Variants in FRMD5 observed in about 807,000 individuals in gnomAD.
The protein encoded by FRMD5 is FERM domain containing 5.
In FRMD5, 20 loss-of-function variants were observed where a neutral mutation model predicts 69.0. That is an observed-to-expected ratio of 0.29 (90% CI 0.20 to 0.42). The LOEUF (loss-of-function observed/expected upper bound fraction) is 0.42. Among genes scored for constraint, FRMD5 ranks in the 10% least tolerant of loss-of-function variants. The pLI is 1.00. For synonymous variants in FRMD5, 271 were observed against 260.1 expected (o/e 1.04, Z -0.40); for missense variants, 595 against 708.6 (o/e 0.84, Z 1.82).
At chr15:43,888,776 G>A in intron 9 of FRMD5, 33 bp downstream of exon 9, 1 of 1,578,220 alleles carries the variant, frequency 6.3e-7, no homozygotes, top group Non-Finnish European at 8.7e-7. Context: ...CATCACCCCA[G>A]CCCTCCTTGA....
chr15:44,069,080 T>G (rs2140406741), intron 1 of FRMD5, among the ~76,000 whole-genome samples: 1 of 152,280 alleles, frequency 6.6e-6, no homozygotes, highest in East Asian at 1.9e-4. Flanking sequence ...CATGAAAAGA[T>G]GTTCAATAAC....
chr15:44,147,593 G>A (rs2077376637), intron 1 of FRMD5, among the ~76,000 whole-genome samples: 1 of 152,076 alleles, frequency 6.6e-6, no homozygotes, highest in South Asian at 2.1e-4. Context: ...AAAGCATTTT[G>A]TCTTTGAACA....
chr15:44,045,957 C>T (rs1048223610), intron 1 of FRMD5, among the ~76,000 whole-genome samples: 2 of 152,136 alleles, frequency 1.3e-5, no homozygotes, highest in African/African-American at 4.8e-5. Flanking sequence ...TATTCTGTTT[C>T]TTCTGACCTA....
At chr15:44,150,937 C>G (rs2077434908) in intron 1 of FRMD5, among the ~76,000 whole-genome samples, 1 of 151,952 alleles carries the variant, frequency 6.6e-6, no homozygotes, top group Non-Finnish European at 1.5e-5. Flanking sequence ...ACTAATAATA[C>G]AAAAATTAGC....
intron 5 of FRMD5, 145 bp from the exon 6 acceptor site, chr15:43,906,096 T>C: frequency 9.6e-7 from 1 of 1,047,044 alleles, no homozygotes; most frequent in Non-Finnish European, 1.4e-6. Context: ...GGCTGTGGGC[T>C]GGGCAGAGGG....
intron 1 of FRMD5, among the ~76,000 whole-genome samples, chr15:44,074,886 G>A (rs1467120659): frequency 6.6e-6 from 1 of 152,116 alleles, no homozygotes; most frequent in South Asian, 2.1e-4. Context: ...CCATCACCAG[G>A]CATTTCTTAG....
intron 5 of FRMD5, 81 bp from the exon 6 acceptor site, chr15:43,906,032 G>C: frequency 1.9e-6 from 3 of 1,547,454 alleles, no homozygotes; most frequent in Non-Finnish European, 2.7e-6. Context: ...TTAGCACACA[G>C]AGCAAAAGCC....
At chr15:43,972,718 G>C (rs962362131) in intron 1 of FRMD5, among the ~76,000 whole-genome samples, 13 of 152,150 alleles carry the variant, frequency 8.5e-5, no homozygotes, top group Non-Finnish European at 1.8e-4. Context: ...GCATGACAGA[G>C]AGCTCACCAC....
At chr15:44,163,345 G>C (rs953114528) in intron 1 of FRMD5, among the ~76,000 whole-genome samples, 10 of 152,228 alleles carry the variant, frequency 6.6e-5, no homozygotes, top group Admixed American at 2.0e-4. Flanking sequence ...TTCAAGGGCA[G>C]AGAATAGGTC....
chr15:44,023,501 TGGGAAAGA>T (rs1891302388), intron 1 of FRMD5, among the ~76,000 whole-genome samples: 1 of 152,182 alleles, frequency 6.6e-6, no homozygotes, highest in South Asian at 2.1e-4. Context: ...ACTTTCTTTG[TGGGAAAGA>T]GCCTGTTTTA....
chr15:44,124,121 T>C (rs1040403215), intron 1 of FRMD5, among the ~76,000 whole-genome samples: 3 of 151,972 alleles, frequency 2.0e-5, no homozygotes, highest in Admixed American at 2.0e-4. Context: ...GCCTCCCAAG[T>C]AGCTGGGATT....
chr15:44,072,638 A>C (rs971338892), intron 1 of FRMD5, among the ~76,000 whole-genome samples: 2 of 152,242 alleles, frequency 1.3e-5, no homozygotes, highest in Non-Finnish European at 2.9e-5. Flanking sequence ...AGAACATACC[A>C]TGCTGTATTC....
At chr15:44,156,177 T>A (rs1158153361) in intron 1 of FRMD5, among the ~76,000 whole-genome samples, 1 of 152,180 alleles carries the variant, frequency 6.6e-6, no homozygotes, top group South Asian at 2.1e-4. Context: ...AGAGTCTCGC[T>A]CTGTCACCCA....
chr15:44,065,916 G>A (rs1893291230), intron 1 of FRMD5, among the ~76,000 whole-genome samples: 1 of 152,060 alleles, frequency 6.6e-6, no homozygotes, highest in Non-Finnish European at 1.5e-5. Flanking sequence ...TGTCAGATAA[G>A]GTGACTTTAT....
intron 1 of FRMD5, among the ~76,000 whole-genome samples, chr15:44,101,098 G>A (rs954718474): frequency 6.6e-6 from 1 of 150,880 alleles, no homozygotes; most frequent in African/African-American, 2.4e-5. Flanking sequence ...GCAGTGAGCC[G>A]AGATCGCGCC....
At chr15:44,027,922 G>A (rs1159667669) in intron 1 of FRMD5, among the ~76,000 whole-genome samples, 1 of 151,898 alleles carries the variant, frequency 6.6e-6, no homozygotes, top group African/African-American at 2.4e-5. Flanking sequence ...GGGATTACAG[G>A]CATGAGCCAC....
chr15:43,957,083 A>C (rs981273381), intron 1 of FRMD5, among the ~76,000 whole-genome samples: 11 of 152,254 alleles, frequency 7.2e-5, no homozygotes, highest in Admixed American at 2.6e-4. Flanking sequence ...TGCAAAGTAC[A>C]TATTCACAAA....
intron 1 of FRMD5, among the ~76,000 whole-genome samples, chr15:44,050,438 C>T (rs781514594): frequency 6.7e-4 from 101 of 151,628 alleles, no homozygotes; most frequent in Non-Finnish European, 8.8e-4. Flanking sequence ...TGGCTCACTG[C>T]AGCCTTAACC....
intron 1 of FRMD5, among the ~76,000 whole-genome samples, chr15:43,986,942 TTA>T (rs1490817862): frequency 6.6e-6 from 1 of 152,188 alleles, no homozygotes; most frequent in Admixed American, 6.5e-5. Flanking sequence ...TTTTTCATTA[TTA>T]TATGTTATGT....
Sources: allele counts gnomAD v4.1 joint callset (sites outside exome capture counted in the v4.1 genomes callset), GRCh38; gene constraint gnomAD v4.1.1; transcripts MANE v1.5; gene names NCBI Gene and HGNC (gene_info 2026-07-23, HGNC 2026-07-21).